The following PANK1 variants were observed in gnomAD, a reference collection of about 807,000 sequenced individuals.
PANK1 encodes pantothenate kinase 1.
In PANK1, 18 loss-of-function variants were observed where a neutral mutation model predicts 40.1. The observed-to-expected ratio is 0.45, with a 90% CI of 0.31 to 0.67. PANK1 has a LOEUF of 0.67. Ranked by LOEUF, PANK1 falls within the 30% of genes least tolerant of loss-of-function variation. The pLI, the probability that PANK1 is intolerant of heterozygous loss-of-function variation, is 0.06. For missense variants in PANK1, 457 were observed against 599.6 expected (o/e 0.76, Z 2.48); for synonymous variants, 242 against 237.7 (o/e 1.02, Z -0.17).
chr10:89,624,426 G>A (rs2133985157), intron 1 of PANK1, among the ~76,000 whole-genome samples: 1 of 152,082 alleles, frequency 6.6e-6, no homozygotes, highest in East Asian at 1.9e-4. Context: ...TTTTATGGAG[G>A]AAGGGGGCCC....
chr10:89,592,899 T>C (rs1367376056), intron 5 of PANK1: 2 of 530,138 alleles, frequency 3.8e-6, no homozygotes, highest in African/African-American at 1.9e-5. Context: ...TTTCCTCACA[T>C]TTCAGTGGAC....
intron 1 of PANK1, 68 bp from the exon 2 acceptor site, chr10:89,612,116 T>C (rs1044274047): frequency 1.3e-5 from 17 of 1,278,356 alleles, no homozygotes; most frequent in Non-Finnish European, 1.8e-5. Context: ...TTTTTGAATA[T>C]TAAATAAGCA....
intron 1 of PANK1, among the ~76,000 whole-genome samples, chr10:89,616,766 C>T (rs1042979597): frequency 5.3e-5 from 8 of 151,996 alleles, no homozygotes; most frequent in South Asian, 2.1e-4. Flanking sequence ...ACTAAAAATA[C>T]GAAAATTGGC....
At chr10:89,582,655 C>G (rs1844073089), downstream of PANK1, 1 of 152,084 alleles carries the variant, frequency 6.6e-6, no homozygotes, top group Non-Finnish European at 1.5e-5. Flanking sequence ...AACACTTTAG[C>G]TGTCTGAATT....
intron 2 of PANK1, among the ~76,000 whole-genome samples, chr10:89,603,062 G>T (rs1844835446): frequency 2.0e-5 from 3 of 152,070 alleles, no homozygotes; most frequent in Admixed American, 2.0e-4. Context: ...TCAGAAATCT[G>T]AACTGCTAGA....
chr10:89,638,050 C>T (rs1256908988), intron 1 of PANK1, among the ~76,000 whole-genome samples: 1 of 152,108 alleles, frequency 6.6e-6, no homozygotes, highest in Admixed American at 6.5e-5. Context: ...CACATCTTGT[C>T]CCACTAGAAG....
At position 89,583,568 on chromosome 10, in the gene PANK1, C is replaced by A. The variant is rs1353112450; in HGVS notation, c.*838G>T. On this transcript the variant is annotated 3_prime_UTR_variant, in exon 7 of 7. Coordinates refer to ENST00000307534, the MANE Select transcript of PANK1 (RefSeq NM_148977.3). ...GTGCATGGATGAGGACATTTAATCACAGACTATTTCAACTTAATATAACCT... is the reference window on the plus strand; with the variant it reads ...GTGCATGGATGAGGACATTTAATCAAAGACTATTTCAACTTAATATAACCT... The A allele has an allele frequency of 3.9e-5, 6 of 152,212 alleles. No homozygotes were observed. The allele number at this position is 152,212 out of a possible 1,614,324, so 9.4% of individuals were successfully genotyped here.
Position 89,644,797 on chromosome 10 carries a change from T to C in PANK1, c.95A>G (p.His32Arg), listed in dbSNP as rs766633691. 8 of 1,477,634 alleles carry C rather than the reference T, an allele frequency of 5.4e-6. No homozygotes were observed. The highest frequency in any genetic ancestry group is 1.4e-5 in the South Asian group (1 of 73,978). 91.5% of individuals were successfully genotyped at this position (1,477,634 alleles called of 1,614,324 possible). A position where few individuals can be genotyped will look rare whatever the true frequency, so the allele number is the denominator to read the frequency against. ...TSAAAVNGLL[H>R]NGFHPPPVQP... is the part of the protein sequence containing the mutation. ...GACTGGCGGCGGATGGAAGCCGTTG[T>C]GCAGCAGCCCGTTCACAGCGGCGGC... The change falls in exon 1 of 7, where the codon CAC (histidine) becomes CGC (arginine). Residue 32 changes from histidine (H) to arginine (R), a missense_variant. By Grantham distance (29) the His-to-Arg change is conservative. This residue lies in a region of PANK1 where 144 missense variants were observed against 131.2 expected (regional missense o/e 1.10). Transcript: ENST00000307534.
chr10:89,639,279 A>C (rs1275073955), intron 1 of PANK1: 1 of 438,428 alleles, frequency 2.3e-6, no homozygotes, highest in Non-Finnish European at 4.6e-6. Context: ...TGCAGCCTCA[A>C]GTCCTTTTAC....
chr10:89,590,285 C>T (rs1233524211), intron 5 of PANK1, among the ~76,000 whole-genome samples: 3 of 151,768 alleles, frequency 2.0e-5, no homozygotes, highest in African/African-American at 4.8e-5. Flanking sequence ...TAAAGAGTTC[C>T]ATAAATCAAC....
At position 89,634,947 on chromosome 10, in the gene PANK1, A is replaced by G. The variant is rs1175207220; in HGVS notation, c.292+9653T>C. Among the ~76,000 whole-genome samples, 5 of 152,154 alleles carry G rather than the reference A, an allele frequency of 3.3e-5. No homozygotes were observed. The East Asian group carries it at 9.6e-4, about 29-fold the overall frequency. On this transcript the variant is annotated intron_variant, in intron 1 of 6. Transcript: ENST00000307534. ...ATCAGAGGGTATTAGGGAAGCTTCCATTGAGGAGGTGATATCCGATCAGGT... is the reference window on the plus strand; with the variant it reads ...ATCAGAGGGTATTAGGGAAGCTTCCGTTGAGGAGGTGATATCCGATCAGGT...
chr10:89,623,889 T>A (rs952114520), intron 1 of PANK1, among the ~76,000 whole-genome samples: 7 of 152,192 alleles, frequency 4.6e-5, no homozygotes, highest in Admixed American at 4.6e-4. Flanking sequence ...GCTGATTCAC[T>A]CACCTGCACC....
At chr10:89,637,560 A>G (rs184116044) in intron 1 of PANK1, among the ~76,000 whole-genome samples, 65 of 152,348 alleles carry the variant, frequency 4.3e-4, no homozygotes, top group African/African-American at 1.5e-3. Context: ...CAGTAAAAGT[A>G]CAGTCTAAAA....
chr10:89,616,213 G>A (rs898238753), intron 1 of PANK1, among the ~76,000 whole-genome samples: 3 of 152,182 alleles, frequency 2.0e-5, no homozygotes, highest in Non-Finnish European at 4.4e-5. Flanking sequence ...TGAAACTGAT[G>A]TTCATAAAAC....
intron 1 of PANK1, 122 bp downstream of exon 1, chr10:89,644,478 C>T: frequency 1.2e-6 from 1 of 827,950 alleles, no homozygotes; most frequent in Non-Finnish European, 1.8e-6. Context: ...CTGTGCAGTC[C>T]CTCGACCGCA....
intron 2 of PANK1, among the ~76,000 whole-genome samples, chr10:89,605,448 C>T (rs561062172): frequency 9.8e-5 from 15 of 152,316 alleles, no homozygotes; most frequent in Admixed American, 2.0e-4. Flanking sequence ...ATTTCAACAA[C>T]GTTCACAGCA....
intron 2 of PANK1, among the ~76,000 whole-genome samples, chr10:89,608,738 C>G (rs547089088): frequency 1.3e-5 from 2 of 152,218 alleles, no homozygotes; most frequent in South Asian, 4.2e-4. Flanking sequence ...AATAACAGGA[C>G]TTTATAGGTA....
intron 6 of PANK1, among the ~76,000 whole-genome samples, chr10:89,584,808 C>A (rs532419328): frequency 2.6e-5 from 4 of 151,996 alleles, no homozygotes; most frequent in South Asian, 2.1e-4. Context: ...AGTAAATTAC[C>A]CTTGCAGGGT....
intron 2 of PANK1, among the ~76,000 whole-genome samples, chr10:89,610,969 AG>A (rs1245537198): frequency 7.4e-6 from 1 of 135,302 alleles, no homozygotes; most frequent in Admixed American, 8.2e-5. Flanking sequence ...TGGAATGCAC[AG>A]ATGTTAAGGG....
Sources: gnomAD v4.1 joint callset for allele counts (sites outside exome capture counted in the v4.1 genomes callset) on GRCh38, gnomAD v4.1.1 for gene constraint, gnomAD v4.1.1 regional missense constraint, MANE v1.5 for transcripts, NCBI Gene and HGNC (gene_info 2026-07-23, HGNC 2026-07-21) for gene names.